PCDHA3: variants seen among roughly 807,000 people sequenced by gnomAD.
PCDHA3 encodes protocadherin alpha-3.
PCDHA3 carries 41 observed loss-of-function variants against 62.2 expected under a neutral mutation model. The observed-to-expected ratio is 0.66, with a 90% CI of 0.51 to 0.86. The LOEUF (loss-of-function observed/expected upper bound fraction) is 0.86, where lower values mean the gene tolerates loss of function less well. PCDHA3 is among the 40% of genes least tolerant of loss of function. The pLI is 0.00. For synonymous variants in PCDHA3, 640 were observed against 555.4 expected (o/e 1.15, Z -2.14); for missense variants, 1,304 against 1,241.2 (o/e 1.05, Z -0.76).
intron 1 of PCDHA3, chr5:140,823,018 G>T (rs1386534416): frequency 1.2e-6 from 2 of 1,614,118 alleles, no homozygotes; most frequent in Admixed American, 1.7e-5. Context: ...CCTGGACCGC[G>T]AGAGCGTGTC....
intron 1 of PCDHA3, among the ~76,000 whole-genome samples, chr5:140,900,374 T>TCAAGAA (rs1554189115): frequency 1.3e-5 from 2 of 151,622 alleles, no homozygotes; most frequent in Non-Finnish European, 2.9e-5. Flanking sequence ...GCCTCCTGGG[T>TCAAGAA]TCAAGCGATT....
intron 1 of PCDHA3, chr5:140,805,546 G>C: frequency 2.0e-6 from 2 of 983,174 alleles, no homozygotes; most frequent in Non-Finnish European, 1.2e-6. Context: ...ATAACTTTAT[G>C]GATATAGGAG....
chr5:140,823,594 TC>T (rs2150127257), intron 1 of PCDHA3: 2 of 1,613,998 alleles, frequency 1.2e-6, no homozygotes, highest in Non-Finnish European at 1.7e-6. Context: ...CGCTTGGCTT[TC>T]GTATGAGCTG....
At chr5:140,902,199 CTT>C (rs1290062929) in intron 1 of PCDHA3, among the ~76,000 whole-genome samples, 2 of 139,232 alleles carry the variant, frequency 1.4e-5, no homozygotes, top group Admixed American at 7.2e-5. Flanking sequence ...CTCTCTCTCT[CTT>C]TCTTTTTTTT....
At chr5:140,838,077 AGTGTGTGTGTGTGTGTGTGTGT>A (rs57130401) in intron 1 of PCDHA3, among the ~76,000 whole-genome samples, 4 of 80,664 alleles carry the variant, frequency 5.0e-5, no homozygotes, top group Admixed American at 1.2e-4. Flanking sequence ...ATATATATAT[AGTGTGTGTGTGTGTGTGTGTGT>A]GTGTGTGTGT....
intron 1 of PCDHA3, chr5:140,806,988 A>T: frequency 1.5e-6 from 1 of 659,582 alleles, no homozygotes; most frequent in Non-Finnish European, 2.6e-6. Context: ...TTGGAGCCAC[A>T]TGATGTCGCT....
intron 1 of PCDHA3, among the ~76,000 whole-genome samples, chr5:140,938,194 C>T (rs782229712): frequency 5.9e-5 from 9 of 152,206 alleles, no homozygotes; most frequent in South Asian, 2.1e-4. Context: ...AATCCTCCCA[C>T]GCCAGCCTCC....
chr5:140,925,100 A>AGGAG (rs1217709299), intron 1 of PCDHA3, among the ~76,000 whole-genome samples: 12 of 151,586 alleles, frequency 7.9e-5, no homozygotes, highest in Admixed American at 1.3e-4. Context: ...GAAGGAAGGA[A>AGGAG]GGAAGGAGGG....
intron 1 of PCDHA3, among the ~76,000 whole-genome samples, chr5:140,900,125 G>A (rs2067765908): frequency 6.6e-6 from 1 of 152,056 alleles, no homozygotes; most frequent in South Asian, 2.1e-4. Context: ...TTGATTTTTA[G>A]GTACCACAAA....
chr5:140,907,885 A>C (rs1554193167), intron 1 of PCDHA3, among the ~76,000 whole-genome samples: 1 of 152,210 alleles, frequency 6.6e-6, no homozygotes, highest in Admixed American at 6.5e-5. Flanking sequence ...CTCACATGGG[A>C]TACAAATATC....
rs182605806 is a variant in PCDHA3 at position 140,924,980 on chromosome 5, T to C, written c.2395-53969T>C. On this transcript the variant is annotated intron_variant, in intron 1 of 3. Transcript: ENST00000522353. ...TGCAAGGTGAGTGCAGTGGCTCATG[T>C]CTGTAATCCTAGCACTTTAGGAGGC... is the stretch of plus-strand genomic sequence containing the variant. Among the ~76,000 whole-genome samples, 408 of 150,900 alleles carry C rather than the reference T, an allele frequency of 2.7e-3. 2 individuals are homozygous for C. The highest frequency in any genetic ancestry group is 0.014 in the Middle Eastern group (4 of 288).
At chr5:141,001,794 T>C (rs2098037139) in intron 3 of PCDHA3, among the ~76,000 whole-genome samples, 1 of 152,184 alleles carries the variant, frequency 6.6e-6, no homozygotes, top group Non-Finnish European at 1.5e-5. Flanking sequence ...CCTGAGTATA[T>C]ACTATCATTC....
chr5:140,842,561 G>A (rs2150339210), intron 1 of PCDHA3: 1 of 1,492,420 alleles, frequency 6.7e-7, no homozygotes, highest in Admixed American at 1.9e-5. Context: ...CAGCGCCCTG[G>A]ACCGCGAGAG....
chr5:140,825,137 A>T (rs1027495465), intron 1 of PCDHA3: 3 of 151,772 alleles, frequency 2.0e-5, no homozygotes, highest in African/African-American at 4.8e-5. Context: ...TAAAAAACAT[A>T]TGAGTATTGA....
At position 140,841,776 on chromosome 5, in the gene PCDHA3, T is replaced by G. The variant is rs2150322536; in HGVS notation, c.2394+38185T>G. 1 of 1,613,906 alleles carries G rather than the reference T, an allele frequency of 6.2e-7. No homozygotes were observed. The highest frequency in any genetic ancestry group is 1.1e-5 in the South Asian group (1 of 91,076). On this transcript the variant is annotated intron_variant, in intron 1 of 3. Coordinates refer to ENST00000522353, the MANE Select transcript of PCDHA3 (RefSeq NM_018906.3). ...GAATCCAGAATGCCAGACTCTCGGTTTCCGCTAGAGGGCGCGTCCGATGCA... is the reference window on the plus strand; with the variant it reads ...GAATCCAGAATGCCAGACTCTCGGTGTCCGCTAGAGGGCGCGTCCGATGCA...
intron 1 of PCDHA3, 21 bp downstream of exon 1, chr5:140,803,612 C>G: frequency 6.2e-7 from 1 of 1,614,004 alleles, no homozygotes; most frequent in Non-Finnish European, 8.5e-7. Context: ...TTTATTTATT[C>G]TTTCCAAAAT....
At chr5:140,934,312 A>G (rs2089755727) in intron 1 of PCDHA3, among the ~76,000 whole-genome samples, 1 of 152,108 alleles carries the variant, frequency 6.6e-6, no homozygotes, top group South Asian at 2.1e-4. Context: ...CTTACTGCAA[A>G]TGTCCAATCA....
At chr5:140,830,258 T>G in intron 1 of PCDHA3, 1 of 1,613,620 alleles carries the variant, frequency 6.2e-7, no homozygotes, top group Non-Finnish European at 8.5e-7. Flanking sequence ...AGCGCTGCGG[T>G]GCTCGGCGCC....
intron 1 of PCDHA3, among the ~76,000 whole-genome samples, chr5:140,818,668 C>T (rs1766413932): frequency 6.6e-6 from 1 of 152,138 alleles, no homozygotes; most frequent in Non-Finnish European, 1.5e-5. Flanking sequence ...GAGACTCCAT[C>T]TTTACAAAAA....
Sources: gnomAD v4.1 joint callset for allele counts (sites outside exome capture counted in the v4.1 genomes callset) on GRCh38, gnomAD v4.1.1 for gene constraint, MANE v1.5 for transcripts, NCBI Gene and HGNC (gene_info 2026-07-23, HGNC 2026-07-21) for gene names.